The following SLC7A1 variants were observed in gnomAD, a reference collection of about 807,000 sequenced individuals.
SLC7A1 encodes the protein high affinity cationic amino acid transporter 1.
A neutral mutation model predicts 53.9 loss-of-function variants in SLC7A1; 10 were observed. The ratio of observed to expected loss-of-function variants is 0.19; its 90% confidence interval spans 0.11 to 0.31. The LOEUF is 0.31. Among genes scored for constraint, SLC7A1 ranks in the 10% least tolerant of loss-of-function variants. The probability of loss-of-function intolerance (pLI) is 1.00; values close to 1 mark genes in which losing one functional copy is unlikely to be tolerated. For missense variants in SLC7A1, 525 were observed against 827.2 expected (o/e 0.63, Z 4.48); for synonymous variants, 342 against 338.7 (o/e 1.01, Z -0.11).
rs757915402 is a variant in SLC7A1, at chr13:29,519,400, AG to A, written c.1292+46del. ...ATAGCTGAACTGTGAAAAGGCTACC[AG>A]GTGCATCTGCATTTCTGTCATGAGA... On this transcript the variant is annotated intron_variant, in intron 9 of 12. Coordinates refer to ENST00000380752, the MANE Select transcript of SLC7A1 (RefSeq NM_003045.5). 75 of 1,089,768 alleles carry A rather than the reference AG, an allele frequency of 6.9e-5. No homozygotes were observed. In the Middle Eastern group the frequency reaches 1.8e-3, roughly 26 times the overall value. The allele number at this position is 1,089,768 out of a possible 1,614,324, so 67.5% of individuals were successfully genotyped here.
chr13:29,580,800 A>G (rs1402962567), intron 1 of SLC7A1, among the ~76,000 whole-genome samples: 3 of 152,188 alleles, frequency 2.0e-5, no homozygotes, highest in Non-Finnish European at 4.4e-5. Context: ...TGCAAGAGGT[A>G]CCATACAAAC....
chr13:29,570,232 AGGCCAC>A (rs1326117238), intron 1 of SLC7A1, among the ~76,000 whole-genome samples: 1 of 152,176 alleles, frequency 6.6e-6, no homozygotes. Flanking sequence ...ATGGAGGAGG[AGGCCAC>A]GGCCTGCCAC....
chr13:29,515,738 C>G (rs1883535710), intron 12 of SLC7A1, among the ~76,000 whole-genome samples: 1 of 152,246 alleles, frequency 6.6e-6, no homozygotes, highest in Non-Finnish European at 1.5e-5. Flanking sequence ...CACTCTCCCT[C>G]CACAGAGAAG....
At chr13:29,520,145 T>G (rs1419150748) in intron 8 of SLC7A1, among the ~76,000 whole-genome samples, 1 of 151,930 alleles carries the variant, frequency 6.6e-6, no homozygotes. Flanking sequence ...ATCCATCCAT[T>G]CATCCATCCG....
intron 1 of SLC7A1, among the ~76,000 whole-genome samples, chr13:29,567,880 CT>C (rs1224862918): frequency 6.6e-6 from 1 of 152,024 alleles, no homozygotes; most frequent in African/African-American, 2.4e-5. Flanking sequence ...GCCTAAATCA[CT>C]AGCTGTGTTG....
At chr13:29,574,670 G>T (rs1293454345) in intron 1 of SLC7A1, among the ~76,000 whole-genome samples, 1 of 145,182 alleles carries the variant, frequency 6.9e-6, no homozygotes, top group Non-Finnish European at 1.5e-5. Context: ...TTTTGAGACG[G>T]AGTCTTGCTC....
chr13:29,576,594 C>T (rs933765273), intron 1 of SLC7A1, among the ~76,000 whole-genome samples: 7 of 152,208 alleles, frequency 4.6e-5, no homozygotes, highest in African/African-American at 1.4e-4. Context: ...GATGTCTGGG[C>T]CATCCCGATG....
intron 1 of SLC7A1, among the ~76,000 whole-genome samples, chr13:29,560,772 C>T (rs1186250786): frequency 1.3e-5 from 2 of 152,036 alleles, no homozygotes; most frequent in Non-Finnish European, 2.9e-5. Flanking sequence ...ATGAGGTCTA[C>T]GATCAACCAA....
chr13:29,525,868 G>A (rs1189190976), intron 5 of SLC7A1, among the ~76,000 whole-genome samples: 3 of 152,326 alleles, frequency 2.0e-5, no homozygotes, highest in Admixed American at 6.5e-5. Flanking sequence ...CAGCAGGGCC[G>A]CAGGACAGCA....
At position 29,595,448 on chromosome 13, in the gene SLC7A1, G is replaced by C. The variant is rs1872271261; in HGVS notation, c.-147C>G. ...GCGGCGGCGGGGCTCCGGCAGGATC[G>C]CGAACAGACAGACTGTCGGACGCGC... On this transcript the variant is annotated 5_prime_UTR_variant, in exon 1 of 13. Coordinates refer to ENST00000380752, the MANE Select transcript of SLC7A1 (RefSeq NM_003045.5). The C allele has an allele frequency of 6.6e-6, 1 of 151,516 alleles. No individual in the cohort carries two copies. Among genetic ancestry groups the C allele is most frequent in the African/African-American group, 2.4e-5 (1 of 41,256 alleles). The allele number at this position is 151,516 out of a possible 1,614,324, so 9.4% of individuals were successfully genotyped here.
intron 1 of SLC7A1, among the ~76,000 whole-genome samples, chr13:29,585,711 A>C (rs545577093): frequency 6.6e-6 from 1 of 152,300 alleles, no homozygotes; most frequent in South Asian, 2.1e-4. Flanking sequence ...AGAGGCAGCC[A>C]ACAGGGCTCT....
In SLC7A1 at chr13:29,559,711, T is replaced by C. The variant is rs535673336; in HGVS notation, c.-114-5851A>G. ...GCAACATTTTTACTTTACAAACTTT[T>C]TTGTAACTCTTTTTTTTTTTTTGAG... On this transcript the variant is annotated intron_variant, in intron 1 of 12. Transcript: ENST00000380752. 5.9e-5 allele frequency among the ~76,000 whole-genome samples: 9 copies of C among 152,198 alleles called. 1 individual carries two copies. The South Asian group carries it at 1.9e-3, about 32-fold the overall frequency.
intron 1 of SLC7A1, among the ~76,000 whole-genome samples, chr13:29,589,521 A>C (rs1055339967): frequency 6.6e-6 from 1 of 152,234 alleles, no homozygotes; most frequent in African/African-American, 2.4e-5. Flanking sequence ...AGCTGCCCCA[A>C]GGACCCCAGG....
chr13:29,585,352 G>C (rs748138628), intron 1 of SLC7A1, among the ~76,000 whole-genome samples: 8 of 152,146 alleles, frequency 5.3e-5, no homozygotes, highest in Non-Finnish European at 1.2e-4. Context: ...TCTAAACCTA[G>C]TGTGTTTTGC....
chr13:29,549,638 G>A (rs756236066), intron 2 of SLC7A1, among the ~76,000 whole-genome samples: 41 of 152,306 alleles, frequency 2.7e-4, no homozygotes, highest in Middle Eastern at 3.4e-3. Context: ...ACAGAATCAG[G>A]AGAAAAGGAG....
At chr13:29,528,129 C>G (rs1480492813) in intron 5 of SLC7A1, among the ~76,000 whole-genome samples, 1 of 152,248 alleles carries the variant, frequency 6.6e-6, no homozygotes, top group Non-Finnish European at 1.5e-5. Flanking sequence ...GGCCTGGATT[C>G]CTGGCTGGGT....
chr13:29,594,606 G>A (rs1872233673), intron 1 of SLC7A1, among the ~76,000 whole-genome samples: 1 of 152,158 alleles, frequency 6.6e-6, no homozygotes, highest in African/African-American at 2.4e-5. Flanking sequence ...ACGCAGAAAG[G>A]AACACCCTGA....
chr13:29,528,853 C>T (rs1869019451), intron 5 of SLC7A1, among the ~76,000 whole-genome samples: 1 of 152,158 alleles, frequency 6.6e-6, no homozygotes, highest in Non-Finnish European at 1.5e-5. Context: ...GTACAGCTAG[C>T]TCATCATTAC....
intron 2 of SLC7A1, among the ~76,000 whole-genome samples, chr13:29,547,391 T>C (rs961292937): frequency 6.6e-6 from 1 of 151,982 alleles, no homozygotes; most frequent in African/African-American, 2.4e-5. Context: ...CGGCGGAAAG[T>C]TGTGGAAAGG....
Sources: allele counts gnomAD v4.1 joint callset (sites outside exome capture counted in the v4.1 genomes callset), GRCh38; gene constraint gnomAD v4.1.1; transcripts MANE v1.5; gene names NCBI Gene and HGNC (gene_info 2026-07-23, HGNC 2026-07-21).